SOX6: variants seen among roughly 807,000 people sequenced by gnomAD.
SOX6 encodes the protein SRY-box transcription factor 6, also known as transcription factor SOX-6.
A neutral mutation model predicts 97.8 loss-of-function variants in SOX6; 11 were observed. The ratio of observed to expected loss-of-function variants is 0.11; its 90% CI spans 0.07 to 0.19. The LOEUF (loss-of-function observed/expected upper bound fraction) is 0.19, where lower values mean the gene tolerates loss of function less well. SOX6 is among the 10% of genes least tolerant of loss of function. The pLI, the probability that SOX6 is intolerant of heterozygous loss-of-function variation, is 1.00. For synonymous variants in SOX6, 360 were observed against 371.4 expected (o/e 0.97, Z 0.35); for missense variants, 810 against 1,039.5 (o/e 0.78, Z 3.04).
chr11:16,683,212 C>G (rs1391681528), intron 3 of SOX6, among the ~76,000 whole-genome samples: 1 of 152,128 alleles, frequency 6.6e-6, no homozygotes, highest in Non-Finnish European at 1.5e-5. Flanking sequence ...AATGACTTTC[C>G]TCACAGAATT....
chr11:16,098,095 G>A (rs1023969700), intron 7 of SOX6, among the ~76,000 whole-genome samples: 50 of 151,816 alleles, frequency 3.3e-4, no homozygotes, highest in African/African-American at 1.2e-3. Context: ...GAGTATTAGA[G>A]TCCAAAAAGG....
intron 4 of SOX6, among the ~76,000 whole-genome samples, chr11:16,221,606 T>G (rs1200731012): frequency 1.3e-5 from 2 of 152,088 alleles, no homozygotes; most frequent in African/African-American, 4.8e-5. Flanking sequence ...ATTTGGCAAG[T>G]GAGGCTTGTC....
At chr11:16,442,610 C>A (rs930468068) in intron 1 of SOX6, among the ~76,000 whole-genome samples, 6 of 152,074 alleles carry the variant, frequency 3.9e-5, no homozygotes, top group Non-Finnish European at 7.4e-5. Context: ...AATTTGGAAT[C>A]ATCTGACTGA....
intron 3 of SOX6, among the ~76,000 whole-genome samples, chr11:16,685,045 GC>G (rs1433747534): frequency 6.6e-6 from 1 of 152,034 alleles, no homozygotes; most frequent in Non-Finnish European, 1.5e-5. Context: ...ACAGCACCAA[GC>G]CATGAGGGAT....
intron 1 of SOX6, among the ~76,000 whole-genome samples, chr11:16,410,578 G>A (rs1294871267): frequency 6.6e-6 from 1 of 151,862 alleles, no homozygotes; most frequent in African/African-American, 2.4e-5. Context: ...GTAATGAAGT[G>A]AAACCTCATC....
chr11:16,397,044 T>C (rs1479050564), intron 1 of SOX6, among the ~76,000 whole-genome samples: 1 of 151,430 alleles, frequency 6.6e-6, no homozygotes, highest in Non-Finnish European at 1.5e-5. Flanking sequence ...TTTACGTGAA[T>C]ATTTTACTTT....
In SOX6 at chr11:16,578,919, GT is replaced by G. The variant is rs376688817; in HGVS notation, n.609+33161del. Among the ~76,000 whole-genome samples the G allele has an allele frequency of 1.1e-4, 17 of 152,060 alleles. No individual in the cohort carries two copies. In the East Asian group the frequency reaches 3.3e-3, roughly 29 times the overall value. Reference sequence around the variant, plus strand: ...AGAAGACTTTCATTTAATGTTTTTTGTTTTGATTTCCAAAATAGCTGAAAAA... The same window carrying G: ...AGAAGACTTTCATTTAATGTTTTTTGTTTGATTTCCAAAATAGCTGAAAAA... On this transcript the variant is annotated intron_variant and non_coding_transcript_variant, in intron 4 of 5. Coordinates refer to the SOX6 transcript ENST00000524520.
chr11:16,498,202 A>C (rs1860640761), intron 4 of SOX6, among the ~76,000 whole-genome samples: 2 of 152,224 alleles, frequency 1.3e-5, no homozygotes, highest in African/African-American at 4.8e-5. Flanking sequence ...CTACAATTTC[A>C]TATCCAGCCA....
At chr11:16,713,962 AT>A (rs1663041811) in intron 3 of SOX6, among the ~76,000 whole-genome samples, 2 of 152,300 alleles carry the variant, frequency 1.3e-5, no homozygotes, top group African/African-American at 2.4e-5. Flanking sequence ...CCATGTGTGA[AT>A]ATGTTTTTTA....
At chr11:16,492,197 G>A (rs1035799100) in intron 4 of SOX6, among the ~76,000 whole-genome samples, 3 of 152,156 alleles carry the variant, frequency 2.0e-5, no homozygotes, top group African/African-American at 7.2e-5. Flanking sequence ...CACCATAAGA[G>A]AGTAAAAGGC....
chr11:16,363,830 C>A (rs767278833), intron 1 of SOX6, among the ~76,000 whole-genome samples: 14 of 151,818 alleles, frequency 9.2e-5, no homozygotes, highest in Non-Finnish European at 1.9e-4. Context: ...TAGAAGTTAT[C>A]TGGCTCTAGC....
chr11:16,109,193 A>C (rs1013447830), intron 7 of SOX6, among the ~76,000 whole-genome samples: 3 of 151,510 alleles, frequency 2.0e-5, no homozygotes, highest in Non-Finnish European at 2.9e-5. Flanking sequence ...TTTTTATTTT[A>C]TTTTATTTTA....
chr11:16,335,165 G>A (rs904855863), intron 2 of SOX6, among the ~76,000 whole-genome samples: 3 of 152,168 alleles, frequency 2.0e-5, no homozygotes, highest in African/African-American at 7.2e-5. Context: ...TGCAAATATA[G>A]TTTCAAAGTT....
intron 3 of SOX6, chr11:16,312,809 G>A (rs1258198035): frequency 1.3e-5 from 2 of 152,130 alleles, no homozygotes; most frequent in African/African-American, 4.8e-5. Context: ...CAAGACGGGT[G>A]ATACAAGGAT....
chr11:16,462,052 A>G (rs1410843362), intron 1 of SOX6, among the ~76,000 whole-genome samples: 1 of 152,236 alleles, frequency 6.6e-6, no homozygotes, highest in Non-Finnish European at 1.5e-5. Flanking sequence ...TTAGTTTCCA[A>G]CAGGTACAAA....
intron 6 of SOX6, among the ~76,000 whole-genome samples, chr11:16,132,761 T>C (rs910511673): frequency 6.6e-6 from 1 of 151,900 alleles, no homozygotes; most frequent in African/African-American, 2.4e-5. Context: ...TACCTGTTTT[T>C]AGCTTTGAAT....
chr11:16,390,604 T>C (rs888676449), intron 1 of SOX6, among the ~76,000 whole-genome samples: 3 of 152,220 alleles, frequency 2.0e-5, no homozygotes, highest in Non-Finnish European at 4.4e-5. Flanking sequence ...GTCCTTTCCT[T>C]TGATCTGTTC....
At chr11:16,039,168 A>G (rs1855592497) in intron 12 of SOX6, among the ~76,000 whole-genome samples, 1 of 151,954 alleles carries the variant, frequency 6.6e-6, no homozygotes, top group Admixed American at 6.6e-5. Context: ...CTTAATTTTT[A>G]TTTCCCACAA....
chr11:15,978,222 T>C (rs1853549882), intron 15 of SOX6, among the ~76,000 whole-genome samples: 3 of 152,204 alleles, frequency 2.0e-5, no homozygotes, highest in South Asian at 4.2e-4. Flanking sequence ...ATTTCTTTGA[T>C]ATCCTTTAAA....
Sources: allele counts gnomAD v4.1 joint callset (sites outside exome capture counted in the v4.1 genomes callset), GRCh38; gene constraint gnomAD v4.1.1; transcripts MANE v1.5; gene names NCBI Gene and HGNC (gene_info 2026-07-23, HGNC 2026-07-21).